The following MTCL1 variants were observed in gnomAD, a reference collection of about 807,000 sequenced individuals.
MTCL1 encodes the protein microtubule cross-linking factor 1.
MTCL1 carries 79 observed loss-of-function variants against 141.4 expected under a neutral mutation model. That is an observed-to-expected ratio of 0.56 (90% CI 0.47 to 0.67). The LOEUF is 0.67. MTCL1 is among the 30% of genes least tolerant of loss of function. The pLI is 0.00. For missense variants in MTCL1, 2,177 were observed against 2,113.9 expected (o/e 1.03, Z -0.59); for synonymous variants, 914 against 875.8 (o/e 1.04, Z -0.77).
At chr18:8,785,979 G>T (rs200095511) in exon 7 of MTCL1, 2 of 1,603,708 alleles carry the variant, frequency 1.2e-6, no homozygotes, top group East Asian at 4.5e-5. Flanking sequence ...GGGCCGGCCC[G>T]AGGGGACGAG....
chr18:8,785,655 G>A (rs1170715448), intron 6 of MTCL1: 2 of 447,286 alleles, frequency 4.5e-6, no homozygotes, highest in Non-Finnish European at 4.0e-6. Context: ...CGTAACCAGT[G>A]TTTTGCACCC....
At chr18:8,784,955 A>C in intron 6 of MTCL1, 112 bp downstream of exon 5, 3 of 998,722 alleles carry the variant, frequency 3.0e-6, no homozygotes, top group Non-Finnish European at 4.3e-6. Flanking sequence ...ATGATTTCAA[A>C]CCTGCATTGT....
exon 13 of MTCL1, chr18:8,818,984 C>T (rs781432422): frequency 4.7e-5 from 76 of 1,613,654 alleles, no homozygotes; most frequent in Admixed American, 1.0e-4. Flanking sequence ...GAACAGTCCC[C>T]GGAGAGGTGG....
intron 4 of MTCL1, among the ~76,000 whole-genome samples, chr18:8,722,881 A>G (rs150905855): frequency 6.6e-6 from 1 of 152,348 alleles, no homozygotes; most frequent in East Asian, 1.9e-4. Context: ...TCTGTTGCAT[A>G]CATTTAAATG....
At chr18:8,814,658 A>G (rs1412723721) in intron 12 of MTCL1, among the ~76,000 whole-genome samples, 1 of 152,144 alleles carries the variant, frequency 6.6e-6, no homozygotes, top group African/African-American at 2.4e-5. Flanking sequence ...ACTCCAGGCA[A>G]CTTGTCACCA....
chr18:8,726,755 ATGG>A (rs2096218154), intron 4 of MTCL1, among the ~76,000 whole-genome samples: 2 of 152,104 alleles, frequency 1.3e-5, no homozygotes, highest in African/African-American at 4.8e-5. Flanking sequence ...CTTGAGAGAG[ATGG>A]TGGTGGTTTG....
chr18:8,759,358 C>G (rs1030974542), intron 4 of MTCL1, among the ~76,000 whole-genome samples: 1 of 152,214 alleles, frequency 6.6e-6, no homozygotes, highest in Non-Finnish European at 1.5e-5. Context: ...GGTATCTGAG[C>G]TGAGTTCAGG....
intron 11 of MTCL1, among the ~76,000 whole-genome samples, chr18:8,812,357 G>A (rs955460189): frequency 2.6e-5 from 4 of 151,678 alleles, no homozygotes; most frequent in African/African-American, 4.9e-5. Flanking sequence ...CTTTTTCTGC[G>A]TACAGAATTG....
In MTCL1 at chr18:8,825,107, GC is replaced by G; in HGVS notation, c.3598del (p.Arg1200AlafsTer81). ...GCGTGTTACACAGCCCGCCTGCCGTGCGCAGGGTCGACAGCATCACGGCGGC... is the reference window on the plus strand; with the variant it reads ...GCGTGTTACACAGCCCGCCTGCCGTGGCAGGGTCGACAGCATCACGGCGGC... On this transcript the variant is annotated frameshift_variant, in exon 15 of 17. Coordinates refer to ENST00000359865, the Ensembl canonical transcript of MTCL1. LOFTEE classifies it high-confidence loss of function. 1 of 1,602,880 alleles carries G rather than the reference GC, an allele frequency of 6.2e-7. No homozygotes were observed. Among genetic ancestry groups the G allele is most frequent in the Non-Finnish European group, 8.5e-7 (1 of 1,173,762 alleles).
intron 4 of MTCL1, among the ~76,000 whole-genome samples, chr18:8,747,538 T>C (rs1003549667): frequency 2.6e-5 from 4 of 152,230 alleles, no homozygotes; most frequent in Admixed American, 6.5e-5. Flanking sequence ...CTCAGCTGCC[T>C]TCTCTGTGTG....
intron 14 of MTCL1, among the ~76,000 whole-genome samples, chr18:8,823,864 C>A (rs1325140285): frequency 6.6e-6 from 1 of 152,144 alleles, no homozygotes; most frequent in Non-Finnish European, 1.5e-5. Flanking sequence ...ATTAATAGGT[C>A]CTATGGAGGA....
chr18:8,825,939 C>T lies in MTCL1; in HGVS notation c.4429C>T (p.Pro1477Ser), dbSNP rs377363502. The change falls in exon 15 of 17, where the codon CCA becomes TCA. Residue 1477 changes from proline to serine, a missense_variant. Coordinates refer to ENST00000359865, the Ensembl canonical transcript of MTCL1. ...TCGGTCTCGCTCAGCAGAGCCCCGA[C>T]CAGAGCTGGGCCCAGGCCAGGAAAC... 3.7e-5 allele frequency: 60 copies of T among 1,604,390 alleles called. No homozygotes were observed. Among genetic ancestry groups the T allele is most frequent in the Non-Finnish European group, 3.8e-5 (45 of 1,175,112 alleles).
intron 15 of MTCL1, among the ~76,000 whole-genome samples, chr18:8,827,541 T>G (rs2077064088): frequency 6.6e-6 from 1 of 152,228 alleles, no homozygotes; most frequent in African/African-American, 2.4e-5. Flanking sequence ...AAACTGCTGG[T>G]TGAATGTTCT....
At chr18:8,725,790 C>CTTTTTTTTTTTTTTTTT (rs796484848) in intron 4 of MTCL1, among the ~76,000 whole-genome samples, 9 of 61,086 alleles carry the variant, frequency 1.5e-4, no homozygotes, top group Non-Finnish European at 2.2e-4. Context: ...TTTTTTTTTT[C>CTTTTTTTTTTTTTTTTT]TTTTTTTTTT....
chr18:8,714,155 T>G (rs1308673261), upstream of MTCL1, among the ~76,000 whole-genome samples: 1 of 152,224 alleles, frequency 6.6e-6, no homozygotes, highest in Non-Finnish European at 1.5e-5. Flanking sequence ...GCAAATAATT[T>G]ATGGTATTTA....
intron 14 of MTCL1, 122 bp downstream of exon 13, chr18:8,821,620 T>C (rs1290560626): frequency 3.8e-6 from 2 of 526,778 alleles, no homozygotes; most frequent in African/African-American, 2.0e-5. Context: ...TTATGCCACT[T>C]CTGAAGAAGT....
chr18:8,787,981 T>C (rs979174368), intron 7 of MTCL1, among the ~76,000 whole-genome samples: 2 of 149,238 alleles, frequency 1.3e-5, no homozygotes, highest in African/African-American at 2.5e-5. Context: ...GAATATGACA[T>C]TGTGTTAAAG....
At chr18:8,820,547 A>G (rs538103925) in intron 13 of MTCL1, among the ~76,000 whole-genome samples, 2 of 152,210 alleles carry the variant, frequency 1.3e-5, no homozygotes, top group Non-Finnish European at 2.9e-5. Context: ...CAGAAATTAT[A>G]TTTCACCCAC....
intron 10 of MTCL1, among the ~76,000 whole-genome samples, chr18:8,806,550 C>G (rs950863164): frequency 5.9e-5 from 9 of 152,146 alleles, no homozygotes; most frequent in Admixed American, 3.3e-4. Context: ...AGTTTCCTTG[C>G]TCCTGCTCCT....
Sources: allele counts gnomAD v4.1 joint callset (sites outside exome capture counted in the v4.1 genomes callset), GRCh38; gene constraint gnomAD v4.1.1; transcripts MANE v1.5; gene names NCBI Gene and HGNC (gene_info 2026-07-23, HGNC 2026-07-21).